Variants in ANKIB1 observed in about 807,000 individuals in gnomAD.
ANKIB1 encodes the protein ankyrin repeat and IBR domain containing 1.
A neutral mutation model predicts 122.1 loss-of-function variants in ANKIB1; 43 were observed. The ratio of observed to expected loss-of-function variants is 0.35; its 90% CI spans 0.28 to 0.45. The LOEUF (loss-of-function observed/expected upper bound fraction) is 0.45. Ranked by LOEUF, ANKIB1 falls within the 20% of genes least tolerant of loss-of-function variation. ANKIB1 has a pLI of 1.00. For missense variants in ANKIB1, 992 were observed against 1,329.5 expected, an observed-to-expected ratio of 0.75 and a Z score of 3.95; for synonymous variants, 390 against 442.0, an observed-to-expected ratio of 0.88 and a Z score of 1.48.
intron 12 of ANKIB1, 47 bp downstream of exon 12, chr7:92,386,690 G>T: frequency 7.0e-7 from 1 of 1,435,680 alleles, no homozygotes; most frequent in South Asian, 1.6e-5. Flanking sequence ...ACCGCTCACT[G>T]CCACTGGAAT....
intron 5 of ANKIB1, among the ~76,000 whole-genome samples, chr7:92,339,750 T>G (rs774586224): frequency 4.6e-5 from 7 of 152,218 alleles, no homozygotes; most frequent in Non-Finnish European, 7.3e-5. Flanking sequence ...AATTTCAATG[T>G]GTATACGCTG....
chr7:92,400,261 G>T lies in ANKIB1; in HGVS notation c.*1312G>T, dbSNP rs931633424. 6.6e-6 allele frequency: 1 copy of T among 152,058 alleles called. No homozygotes were observed. The highest frequency in any genetic ancestry group is 2.4e-5 in the African/African-American group (1 of 41,410). 9.4% of individuals were successfully genotyped at this position (152,058 alleles called of 1,614,324 possible). On this transcript the variant is annotated 3_prime_UTR_variant, in exon 20 of 20. Coordinates refer to ENST00000265742, the MANE Select transcript of ANKIB1 (RefSeq NM_019004.2). ...TGCTGTGTGATTACTGTTTAGTGTTGAAAAAAATCAACTTCCTAGTTATCA... is the reference window on the plus strand; with the variant it reads ...TGCTGTGTGATTACTGTTTAGTGTTTAAAAAAATCAACTTCCTAGTTATCA...
intron 1 of ANKIB1, among the ~76,000 whole-genome samples, chr7:92,292,879 C>G (rs978421543): frequency 6.6e-6 from 1 of 151,996 alleles, no homozygotes; most frequent in Admixed American, 6.6e-5. Context: ...TGCAGTAAAC[C>G]GTGAGGTAAA....
chr7:92,305,818 G>A (rs542630366), intron 2 of ANKIB1, among the ~76,000 whole-genome samples: 1 of 152,274 alleles, frequency 6.6e-6, no homozygotes, highest in Middle Eastern at 3.4e-3. Flanking sequence ...ATGAGCTTTG[G>A]AAATTAAATT....
At chr7:92,343,343 C>A in intron 6 of ANKIB1, 111 bp downstream of exon 6, 1 of 922,830 alleles carries the variant, frequency 1.1e-6, no homozygotes. Context: ...GTAATTGAAT[C>A]CTATCCCTTT....
chr7:92,363,195 G>C (rs1050323064), intron 10 of ANKIB1, among the ~76,000 whole-genome samples: 1 of 152,142 alleles, frequency 6.6e-6, no homozygotes. Context: ...GGCGGATCAT[G>C]AGGTCAAGAG....
At position 92,397,286 on chromosome 7, in the gene ANKIB1, G is replaced by A. The variant is rs550295098; in HGVS notation, c.2396-437G>A. On this transcript the variant is annotated intron_variant, in intron 18 of 19. Coordinates refer to ENST00000265742, the MANE Select transcript of ANKIB1 (RefSeq NM_019004.2). ...GCGGATCACAATGTCAGGAGATGGA[G>A]ACCATCCTGACCAACATGGTGAAAC... 1.6e-4 allele frequency among the ~76,000 whole-genome samples: 24 copies of A among 152,144 alleles called. No individual in the cohort carries two copies. The East Asian group carries it at 4.5e-3, about 28-fold the overall frequency.
At chr7:92,345,103 G>T (rs1803512299) in intron 7 of ANKIB1, 37 bp downstream of exon 7, 1 of 1,369,598 alleles carries the variant, frequency 7.3e-7, no homozygotes, top group African/African-American at 1.5e-5. Context: ...CTTACTGCAT[G>T]ATAGCACTCT....
intron 16 of ANKIB1, among the ~76,000 whole-genome samples, chr7:92,391,596 T>C (rs1390613661): frequency 6.6e-6 from 1 of 152,130 alleles, no homozygotes; most frequent in Non-Finnish European, 1.5e-5. Flanking sequence ...TAATTTCACA[T>C]TTCAGGTGAA....
chr7:92,352,571 A>T lies in ANKIB1; in HGVS notation c.1326A>T (p.Gly442=). Residue 442 remains glycine, a synonymous_variant, in exon 9 of 20, where the codon GGA becomes GGT. Coordinates refer to ENST00000265742, the MANE Select transcript of ANKIB1 (RefSeq NM_019004.2). ...CGAAACAAGGGTCAAATACATCTGG[A>T]TCTGATACACTCAGCTTCCCATTGC... ...RLTKQGSNTS[G]SDTLSFPLLR... 6.2e-7 allele frequency: 1 copy of T among 1,613,566 alleles called. No individual in the cohort carries two copies. The highest frequency in any genetic ancestry group is 8.5e-7 in the Non-Finnish European group (1 of 1,179,820).
chr7:92,336,349 TTTAC>T (rs949205680), intron 5 of ANKIB1, among the ~76,000 whole-genome samples: 21 of 152,212 alleles, frequency 1.4e-4, no homozygotes, highest in African/African-American at 5.1e-4. Context: ...CTTTCATTTA[TTTAC>T]TTAGTTTTCC....
intron 1 of ANKIB1, among the ~76,000 whole-genome samples, chr7:92,274,722 A>G (rs1272861425): frequency 6.6e-6 from 1 of 152,194 alleles, no homozygotes; most frequent in Non-Finnish European, 1.5e-5. Context: ...CAAGGCGGGA[A>G]GATCACTTGA....
intron 1 of ANKIB1, among the ~76,000 whole-genome samples, chr7:92,292,848 A>C (rs1287292805): frequency 2.0e-5 from 3 of 152,238 alleles, no homozygotes; most frequent in Non-Finnish European, 4.4e-5. Context: ...TTATGTATCA[A>C]AATGCTACCA....
chr7:92,298,603 T>G (rs1282359423), intron 2 of ANKIB1, among the ~76,000 whole-genome samples: 2 of 152,022 alleles, frequency 1.3e-5, no homozygotes, highest in Admixed American at 1.3e-4. Context: ...AAACTATTTT[T>G]ATAATTATAC....
intron 16 of ANKIB1, 120 bp from the exon 17 acceptor site, chr7:92,392,121 A>G (rs1401352083): frequency 7.7e-6 from 5 of 649,640 alleles, no homozygotes; most frequent in African/African-American, 3.7e-5. Flanking sequence ...TAGTTGATCT[A>G]CTTTAGTTAA....
At chr7:92,319,750 C>CTA in intron 4 of ANKIB1, 1 of 446,362 alleles carries the variant, frequency 2.2e-6, no homozygotes, top group South Asian at 3.1e-5. Context: ...CCAGCCTGGG[C>CTA]TATAGCAAGA....
chr7:92,259,994 C>A (rs1801526799), intron 1 of ANKIB1, among the ~76,000 whole-genome samples: 2 of 152,202 alleles, frequency 1.3e-5, no homozygotes, highest in South Asian at 4.1e-4. Flanking sequence ...AGTGCAGCCA[C>A]TTCCTAAATG....
At chr7:92,305,370 C>T (rs1736392114) in intron 2 of ANKIB1, among the ~76,000 whole-genome samples, 1 of 152,124 alleles carries the variant, frequency 6.6e-6, no homozygotes, top group Non-Finnish European at 1.5e-5. Context: ...TGATCTAGGT[C>T]ATGAAAGTTT....
chr7:92,269,125 A>G (rs1439798758), intron 1 of ANKIB1, among the ~76,000 whole-genome samples: 1 of 152,192 alleles, frequency 6.6e-6, no homozygotes, highest in Non-Finnish European at 1.5e-5. Flanking sequence ...TGCAATACCT[A>G]TAGCATAGGT....
Sources: gnomAD v4.1 joint callset for allele counts (sites outside exome capture counted in the v4.1 genomes callset) on GRCh38, gnomAD v4.1.1 for gene constraint, MANE v1.5 for transcripts, NCBI Gene and HGNC (gene_info 2026-07-23, HGNC 2026-07-21) for gene names.